The following NKAIN2 variants were observed in gnomAD, a reference collection of about 807,000 sequenced individuals.
The protein encoded by NKAIN2 is sodium/potassium transporting ATPase interacting 2.
A neutral mutation model predicts 32.6 loss-of-function variants in NKAIN2; 14 were observed. The observed-to-expected ratio is 0.43, with a 90% CI of 0.28 to 0.67. The LOEUF (loss-of-function observed/expected upper bound fraction) is 0.67. Among genes scored for constraint, NKAIN2 ranks in the 30% least tolerant of loss-of-function variants. The pLI, the probability that NKAIN2 is intolerant of heterozygous loss-of-function variation, is 0.17. For synonymous variants in NKAIN2, 80 were observed against 87.2 expected (o/e 0.92, Z 0.46); for missense variants, 198 against 258.3 (o/e 0.77, Z 1.60).
At chr6:123,855,631 T>C (rs1253826105) in intron 1 of NKAIN2, among the ~76,000 whole-genome samples, 1 of 152,218 alleles carries the variant, frequency 6.6e-6, no homozygotes, top group African/African-American at 2.4e-5. Flanking sequence ...TCAGCCACCC[T>C]TATGTGCTGC....
intron 1 of NKAIN2, among the ~76,000 whole-genome samples, chr6:123,814,097 G>A (rs902005152): frequency 6.6e-6 from 1 of 152,000 alleles, no homozygotes; most frequent in African/African-American, 2.4e-5. Context: ...TTATGAGTTT[G>A]CCTTTTCTAT....
intron 2 of NKAIN2, among the ~76,000 whole-genome samples, chr6:124,305,348 T>C (rs1039701885): frequency 2.0e-5 from 3 of 152,128 alleles, no homozygotes; most frequent in African/African-American, 4.8e-5. Flanking sequence ...TAGGCTGTGG[T>C]CTTGAGAATG....
rs559863994 is a variant in NKAIN2 at position 124,823,419 on chromosome 6, T to C, written c.*190T>C. ...ACACACGTGAGCACGCACACACCAA[T>C]TCCACTTGACCTCCTCTTTCTAACT... is the stretch of plus-strand genomic sequence containing the variant. On this transcript the variant is annotated 3_prime_UTR_variant, in exon 7 of 7. Coordinates refer to ENST00000368417, the MANE Select transcript of NKAIN2 (RefSeq NM_001040214.3). 2 of 547,420 alleles carry C rather than the reference T, an allele frequency of 3.7e-6. No individual in the cohort carries two copies. The highest frequency in any genetic ancestry group is 1.9e-5 in the African/African-American group (1 of 53,208). The allele number at this position is 547,420 out of a possible 1,614,324, so 33.9% of individuals were successfully genotyped here.
chr6:124,290,800 G>T (rs1795775393), intron 2 of NKAIN2, among the ~76,000 whole-genome samples: 1 of 148,516 alleles, frequency 6.7e-6, no homozygotes. Context: ...TTTAATTCTT[G>T]AAATCCACTG....
At chr6:123,925,512 GA>G (rs1485056888) in intron 1 of NKAIN2, among the ~76,000 whole-genome samples, 2 of 152,080 alleles carry the variant, frequency 1.3e-5, no homozygotes, top group African/African-American at 4.8e-5. Context: ...ATAGCTGTGT[GA>G]ATCATTCATG....
intron 3 of NKAIN2, among the ~76,000 whole-genome samples, chr6:124,443,023 A>G (rs1281334264): frequency 2.0e-5 from 3 of 152,226 alleles, no homozygotes; most frequent in South Asian, 2.1e-4. Context: ...GGAACTTGCT[A>G]TGCTCAGAAG....
intron 1 of NKAIN2, among the ~76,000 whole-genome samples, chr6:123,901,705 T>G (rs1004754765): frequency 1.3e-5 from 2 of 152,182 alleles, no homozygotes; most frequent in African/African-American, 4.8e-5. Flanking sequence ...GTTCTCTTGT[T>G]TGTGGTCATA....
At chr6:124,288,608 T>C (rs2114938823) in intron 2 of NKAIN2, among the ~76,000 whole-genome samples, 1 of 152,300 alleles carries the variant, frequency 6.6e-6, no homozygotes, top group East Asian at 1.9e-4. Context: ...TGTTATTCTT[T>C]TTCTATAGCA....
chr6:124,466,899 C>T (rs892338896), intron 3 of NKAIN2, among the ~76,000 whole-genome samples: 9 of 151,904 alleles, frequency 5.9e-5, no homozygotes, highest in African/African-American at 1.7e-4. Context: ...TTAACTTTCT[C>T]GCTAGAAATA....
intron 2 of NKAIN2, among the ~76,000 whole-genome samples, chr6:124,347,523 T>C (rs1301758244): frequency 1.3e-5 from 2 of 152,196 alleles, no homozygotes; most frequent in Admixed American, 6.5e-5. Context: ...TCTTGGAGGC[T>C]TTGTTCGTTT....
chr6:124,402,568 T>C (rs1384975135), intron 3 of NKAIN2, among the ~76,000 whole-genome samples: 1 of 152,188 alleles, frequency 6.6e-6, no homozygotes, highest in Non-Finnish European at 1.5e-5. Flanking sequence ...ATATTCTTAC[T>C]GGATAAAGAA....
At chr6:124,566,371 A>C (rs2114906635) in intron 3 of NKAIN2, among the ~76,000 whole-genome samples, 1 of 152,222 alleles carries the variant, frequency 6.6e-6, no homozygotes, top group Non-Finnish European at 1.5e-5. Context: ...CTCTCTAGTT[A>C]GCTGTGAGTA....
Position 123,827,333 on chromosome 6 carries a change from G to A in NKAIN2, c.54+23079G>A, listed in dbSNP as rs115526611. Among the ~76,000 whole-genome samples the A allele has an allele frequency of 2.4e-3, 369 of 152,200 alleles. 2 individuals carry two copies. Among genetic ancestry groups the A allele is most frequent in the African/African-American group, 8.3e-3 (344 of 41,532 alleles). On this transcript the variant is annotated intron_variant, in intron 1 of 6. Transcript: ENST00000368417. Reference sequence around the variant, plus strand: ...CCTGTCCTGATGTCTTGATATACAGGAACCCTGCTACTTTGCCCCCAGAAC... The same window carrying A: ...CCTGTCCTGATGTCTTGATATACAGAAACCCTGCTACTTTGCCCCCAGAAC...
chr6:124,087,658 T>A (rs1474296377), intron 1 of NKAIN2, among the ~76,000 whole-genome samples: 1 of 151,994 alleles, frequency 6.6e-6, no homozygotes, highest in Non-Finnish European at 1.5e-5. Flanking sequence ...GTTTTGCTGT[T>A]AATCTAAAAC....
intron 1 of NKAIN2, among the ~76,000 whole-genome samples, chr6:123,864,155 G>A (rs927016085): frequency 6.6e-6 from 1 of 152,078 alleles, no homozygotes; most frequent in Non-Finnish European, 1.5e-5. Context: ...AACATTTTGG[G>A]ATCTGCCAGC....
intron 3 of NKAIN2, among the ~76,000 whole-genome samples, chr6:124,611,584 G>T (rs370586665): frequency 1.3e-5 from 2 of 152,070 alleles, no homozygotes; most frequent in African/African-American, 4.8e-5. Context: ...CTGTCCATGT[G>T]TTCTCGTTGC....
Position 124,475,097 on chromosome 6 carries a change from G to A in NKAIN2, c.273+119750G>A, listed in dbSNP as rs546171888. Among the ~76,000 whole-genome samples, 37 of 151,944 alleles carry A rather than the reference G, an allele frequency of 2.4e-4. 1 individual carries two copies. Among genetic ancestry groups the A allele is most frequent in the South Asian group, 1.5e-3 (7 of 4,824 alleles). On this transcript the variant is annotated intron_variant, in intron 3 of 6. Coordinates refer to ENST00000368417, the MANE Select transcript of NKAIN2 (RefSeq NM_001040214.3). The stretch of plus-strand genomic sequence containing the variant: ...TCATTCTAGAGCTAAACTAAGAGGA[G>A]TTCTTTGAAAGACTTGATGGATTTC...
At chr6:124,775,996 T>C (rs6902852) in intron 4 of NKAIN2, among the ~76,000 whole-genome samples, 27,740 of 152,036 alleles carry the variant, frequency 0.18, 3,373 homozygotes, top group African/African-American at 0.34. Context: ...TGGAAGTACC[T>C]CACTCCTGTG....
intron 1 of NKAIN2, among the ~76,000 whole-genome samples, chr6:124,019,231 G>A (rs1318430073): frequency 6.6e-6 from 1 of 151,964 alleles, no homozygotes; most frequent in Non-Finnish European, 1.5e-5. Context: ...ATTTGGGTGG[G>A]GACGAAACCA....
Sources: allele counts gnomAD v4.1 joint callset (sites outside exome capture counted in the v4.1 genomes callset), GRCh38; gene constraint gnomAD v4.1.1; transcripts MANE v1.5; gene names NCBI Gene and HGNC (gene_info 2026-07-23, HGNC 2026-07-21).